Variants in SLC22A23 observed in about 807,000 individuals in gnomAD.
The protein encoded by SLC22A23 is ion transporter protein.
SLC22A23 carries 26 observed loss-of-function variants against 61.0 expected under a neutral mutation model. The observed-to-expected ratio is 0.43, with a 90% CI of 0.31 to 0.59. SLC22A23 has a LOEUF of 0.59. Among genes scored for constraint, SLC22A23 ranks in the 20% least tolerant of loss-of-function variants. The pLI is 0.11. For synonymous variants in SLC22A23, 430 were observed against 413.9 expected (o/e 1.04, Z -0.47); for missense variants, 796 against 934.7 (o/e 0.85, Z 1.94).
In SLC22A23 at chr6:3,324,672, G is replaced by A. The variant is rs149669618; in HGVS notation, c.914-670C>T. ...CCCTACCAGAAAGCCCCTTCTCCAC[G>A]TGGGAGTTCTGTGGGCCACTGCAAC... On this transcript the variant is annotated intron_variant, in intron 3 of 9. Coordinates refer to ENST00000406686, the MANE Select transcript of SLC22A23 (RefSeq NM_015482.2). The surrounding 1 kb of genome is among the most constrained non-coding windows in gnomAD (Gnocchi z 4.3). 3.9e-5 allele frequency among the ~76,000 whole-genome samples: 6 copies of A among 152,176 alleles called. No homozygotes were observed. The highest frequency in any genetic ancestry group is 1.4e-4 in the African/African-American group (6 of 41,430).
intron 9 of SLC22A23, among the ~76,000 whole-genome samples, chr6:3,277,430 C>T (rs1217346437): frequency 2.0e-5 from 3 of 152,136 alleles, no homozygotes; most frequent in Non-Finnish European, 4.4e-5. Flanking sequence ...CACCTCCTCC[C>T]GCCGCAGTGC....
intron 6 of SLC22A23, among the ~76,000 whole-genome samples, chr6:3,287,851 T>C (rs370812439): frequency 1.3e-5 from 2 of 152,022 alleles, no homozygotes; most frequent in East Asian, 3.9e-4. Context: ...GCCCAGCTAA[T>C]TTTTGTATTT....
chr6:3,406,428 A>G (rs1768832602), intron 3 of SLC22A23, among the ~76,000 whole-genome samples: 2 of 152,296 alleles, frequency 1.3e-5, no homozygotes, highest in South Asian at 4.2e-4. Context: ...TTAGGCTGAA[A>G]ATAAGACTGT....
At chr6:3,340,765 C>T (rs899100169) in intron 3 of SLC22A23, among the ~76,000 whole-genome samples, 2 of 152,126 alleles carry the variant, frequency 1.3e-5, no homozygotes, top group South Asian at 2.1e-4. Flanking sequence ...ACATGAGAAC[C>T]GAGAGACTGT....
chr6:3,450,338 G>C (rs748183241), intron 1 of SLC22A23, among the ~76,000 whole-genome samples: 1 of 152,100 alleles, frequency 6.6e-6, no homozygotes, highest in East Asian at 1.9e-4. Context: ...ACGGAGTCTC[G>C]CTCTGTTGCT....
chr6:3,324,043 T>C lies in SLC22A23; in HGVS notation c.914-41A>G, dbSNP rs769456990. 3.7e-5 allele frequency: 60 copies of C among 1,600,134 alleles called. No individual in the cohort carries two copies. In the South Asian group the frequency reaches 6.2e-4, roughly 17 times the overall value. On this transcript the variant is annotated intron_variant, in intron 3 of 9. Transcript: ENST00000406686. This position sits in a 1 kb window ranked among gnomAD's most constrained non-coding sequence, Gnocchi z 4.3. Reference sequence around the variant, plus strand: ...AATGAGAGAGAGATGAGTGCCCTGCTCGACAGCCCGAGAAGTCCTGGGTGC... The same window carrying C: ...AATGAGAGAGAGATGAGTGCCCTGCCCGACAGCCCGAGAAGTCCTGGGTGC...
chr6:3,396,228 TCCTGCCCAAGACCAC>T (rs1767994264), intron 3 of SLC22A23, among the ~76,000 whole-genome samples: 1 of 152,150 alleles, frequency 6.6e-6, no homozygotes, highest in African/African-American at 2.4e-5. Context: ...GACAGGCATT[TCCTGCCCAAGACCAC>T]CCTGGCCTGC....
At chr6:3,447,563 G>A (rs1462546788) in intron 1 of SLC22A23, among the ~76,000 whole-genome samples, 1 of 151,320 alleles carries the variant, frequency 6.6e-6, no homozygotes, top group Non-Finnish European at 1.5e-5. Flanking sequence ...GTGAAAAGGA[G>A]GAGAGAGGAA....
At chr6:3,338,875 C>G (rs1451754061) in intron 3 of SLC22A23, among the ~76,000 whole-genome samples, 1 of 152,200 alleles carries the variant, frequency 6.6e-6, no homozygotes, top group Non-Finnish European at 1.5e-5. Flanking sequence ...TTAGCTCCTT[C>G]TAGTCTAGAA....
chr6:3,349,079 T>C (rs1487805760), intron 3 of SLC22A23, among the ~76,000 whole-genome samples: 3 of 152,250 alleles, frequency 2.0e-5, no homozygotes, highest in Non-Finnish European at 4.4e-5. Context: ...GATGCTCCTC[T>C]GCTTCTGCCC....
At chr6:3,352,991 T>A (rs1259948259) in intron 3 of SLC22A23, among the ~76,000 whole-genome samples, 1 of 152,208 alleles carries the variant, frequency 6.6e-6, no homozygotes, top group South Asian at 2.1e-4. Flanking sequence ...TCAAAATATG[T>A]ATGAAAATAC....
At chr6:3,315,681 GGTGA>G (rs1762596468) in intron 4 of SLC22A23, among the ~76,000 whole-genome samples, 3 of 152,108 alleles carry the variant, frequency 2.0e-5, no homozygotes, top group African/African-American at 7.2e-5. Flanking sequence ...TGGCTAACAT[GGTGA>G]AACCCCGTCT....
At chr6:3,313,265 T>C (rs966647281) in intron 4 of SLC22A23, 1 of 152,192 alleles carries the variant, frequency 6.6e-6, no homozygotes, top group Admixed American at 6.5e-5. Flanking sequence ...GAAATATGGG[T>C]GACCATTTTA....
chr6:3,410,556 A>G lies in SLC22A23; in HGVS notation c.759-214T>C, dbSNP rs1363931548. 6.6e-6 allele frequency among the ~76,000 whole-genome samples: 1 copy of G among 152,220 alleles called. No individual in the cohort carries two copies. Among genetic ancestry groups the G allele is most frequent in the Non-Finnish European group, 1.5e-5 (1 of 68,036 alleles). ...CCCCTAATTCTCGAGATAAGGGAGC[A>G]GAGATCAACCAATTACAGAGTAAGA... On this transcript the variant is annotated intron_variant, in intron 2 of 9. Transcript: ENST00000406686. This position sits in a 1 kb window ranked among gnomAD's most constrained non-coding sequence, Gnocchi z 5.0.
At chr6:3,321,056 A>G (rs1360115417) in intron 4 of SLC22A23, among the ~76,000 whole-genome samples, 1 of 152,210 alleles carries the variant, frequency 6.6e-6, no homozygotes, top group African/African-American at 2.4e-5. Flanking sequence ...AACCTGAGGC[A>G]CAGAGAGATT....
intron 9 of SLC22A23, chr6:3,282,326 A>G (rs1443185793): frequency 2.8e-6 from 2 of 702,506 alleles, no homozygotes. Context: ...TGGCTGATGC[A>G]GAAGGTAGGG....
rs1314606941 is a variant in SLC22A23, at chr6:3,454,874, A to G, written c.654+1032T>C. Among the ~76,000 whole-genome samples the G allele has an allele frequency of 6.6e-6, 1 of 152,202 alleles. No homozygotes were observed. Among genetic ancestry groups the G allele is most frequent in the Admixed American group, 6.5e-5 (1 of 15,282 alleles). ...GGTTACATGCACATTGACTATTTAA[A>G]ACTGTCCAATTTCATACATTTCGAC... On this transcript the variant is annotated intron_variant, in intron 1 of 9. Coordinates refer to ENST00000406686, the MANE Select transcript of SLC22A23 (RefSeq NM_015482.2). The surrounding 1 kb of genome is among the most constrained non-coding windows in gnomAD (Gnocchi z 4.3).
chr6:3,428,221 G>A (rs1051897180), intron 1 of SLC22A23, among the ~76,000 whole-genome samples: 2 of 152,240 alleles, frequency 1.3e-5, no homozygotes, highest in African/African-American at 4.8e-5. Flanking sequence ...AGCTGCCCAA[G>A]TCGCGGCCCT....
intron 3 of SLC22A23, among the ~76,000 whole-genome samples, chr6:3,396,848 C>A (rs1226907547): frequency 1.3e-5 from 2 of 152,218 alleles, no homozygotes; most frequent in Non-Finnish European, 2.9e-5. Context: ...TCAATAAAAC[C>A]TTGCACTCAT....
Sources: gnomAD v4.1 joint callset for allele counts (sites outside exome capture counted in the v4.1 genomes callset) on GRCh38, gnomAD v4.1.1 for gene constraint, Gnocchi (gnomAD v3.1) non-coding constraint, MANE v1.5 for transcripts, NCBI Gene and HGNC (gene_info 2026-07-23, HGNC 2026-07-21) for gene names.